The following SPTLC3 variants were observed in gnomAD, a reference collection of about 807,000 sequenced individuals.
SPTLC3 encodes the protein serine palmitoyltransferase 3.
SPTLC3 carries 36 observed loss-of-function variants against 59.3 expected under a neutral mutation model. That is an observed-to-expected ratio of 0.61 (90% CI 0.47 to 0.80). The LOEUF is 0.80. SPTLC3 is among the 30% of genes least tolerant of loss of function. SPTLC3 has a pLI of 0.00. For synonymous variants in SPTLC3, 257 were observed against 240.8 expected, an observed-to-expected ratio of 1.07 and a Z score of -0.62; for missense variants, 625 against 685.1, an observed-to-expected ratio of 0.91 and a Z score of 0.98.
chr20:13,125,593 G>T (rs1437074684), intron 8 of SPTLC3, among the ~76,000 whole-genome samples: 1 of 152,176 alleles, frequency 6.6e-6, no homozygotes, highest in Non-Finnish European at 1.5e-5. Context: ...GGTCTCATCT[G>T]GGCTTGCTTC....
At chr20:13,048,846 G>T in intron 1 of SPTLC3, 99 bp from the exon 2 acceptor site, 1 of 1,040,570 alleles carries the variant, frequency 9.6e-7, no homozygotes, top group Non-Finnish European at 1.3e-6. Context: ...CTTAAATATG[G>T]CCTTTGGAAT....
chr20:13,042,561 C>G (rs562902581), intron 1 of SPTLC3, among the ~76,000 whole-genome samples: 2 of 152,188 alleles, frequency 1.3e-5, no homozygotes, highest in Non-Finnish European at 2.9e-5. Flanking sequence ...AACCCTCAAC[C>G]TCTCAGCCAC....
At chr20:13,037,277 T>C (rs971544008) in intron 1 of SPTLC3, among the ~76,000 whole-genome samples, 5 of 152,208 alleles carry the variant, frequency 3.3e-5, no homozygotes, top group African/African-American at 1.2e-4. Context: ...GCAAGACTAC[T>C]ATGGCTATCT....
At chr20:13,154,621 A>G (rs1600398374) in intron 10 of SPTLC3, among the ~76,000 whole-genome samples, 1 of 152,292 alleles carries the variant, frequency 6.6e-6, no homozygotes, top group Middle Eastern at 3.4e-3. Context: ...ACCTGCCCAA[A>G]GTCACACAAG....
chr20:13,090,762 C>G (rs1989183846), intron 4 of SPTLC3, among the ~76,000 whole-genome samples: 1 of 152,210 alleles, frequency 6.6e-6, no homozygotes, highest in Admixed American at 6.5e-5. Flanking sequence ...CGAAATGATA[C>G]AGCCTGTACT....
chr20:13,021,207 C>T (rs2122388773), intron 1 of SPTLC3, among the ~76,000 whole-genome samples: 1 of 152,212 alleles, frequency 6.6e-6, no homozygotes, highest in South Asian at 2.1e-4. Context: ...CTAGCTTTTC[C>T]TATGCATTTT....
chr20:13,058,075 C>T (rs6041826), intron 2 of SPTLC3, among the ~76,000 whole-genome samples: 53,384 of 152,008 alleles, frequency 0.35, 10,228 homozygotes, highest in African/African-American at 0.52. Context: ...CTAGTACCCA[C>T]ACAAGTAAAT....
chr20:13,059,232 A>C (rs1368386631), intron 2 of SPTLC3, among the ~76,000 whole-genome samples: 1 of 148,264 alleles, frequency 6.7e-6, no homozygotes, highest in African/African-American at 2.6e-5. Context: ...AAATTATCCT[A>C]GCCTGTGTGC....
chr20:13,152,210 A>G (rs573794813), intron 9 of SPTLC3, among the ~76,000 whole-genome samples: 1 of 152,310 alleles, frequency 6.6e-6, no homozygotes, highest in South Asian at 2.1e-4. Context: ...TGCGTATAAC[A>G]TAGGATTACA....
intron 11 of SPTLC3, among the ~76,000 whole-genome samples, chr20:13,164,061 C>A (rs528992169): frequency 2.0e-5 from 3 of 152,112 alleles, no homozygotes; most frequent in African/African-American, 7.2e-5. Context: ...CCACTCCCCC[C>A]ATCCCACAAC....
At chr20:13,103,295 T>A (rs1989686873) in intron 6 of SPTLC3, among the ~76,000 whole-genome samples, 1 of 152,184 alleles carries the variant, frequency 6.6e-6, no homozygotes, top group Admixed American at 6.5e-5. Flanking sequence ...CACCACCATC[T>A]TAAAAGTAAG....
intron 1 of SPTLC3, among the ~76,000 whole-genome samples, chr20:13,032,626 C>T (rs557929947): frequency 6.6e-6 from 1 of 152,160 alleles, no homozygotes. Flanking sequence ...CCTCTCTTAA[C>T]TTTCCCAGTC....
chr20:13,119,964 T>A (rs949395211), intron 8 of SPTLC3, among the ~76,000 whole-genome samples: 59 of 152,352 alleles, frequency 3.9e-4, no homozygotes, highest in African/African-American at 1.4e-3. Context: ...GCCCATGATT[T>A]GATGGAACTT....
At chr20:13,163,367 CAA>C (rs56217510) in intron 11 of SPTLC3, among the ~76,000 whole-genome samples, 1,601 of 90,034 alleles carry the variant, frequency 0.018, 13 homozygotes, top group African/African-American at 0.02. Context: ...GACGCTGTCT[CAA>C]AAAAAAAAAA....
At chr20:13,111,983 C>G (rs765738521) in intron 7 of SPTLC3, among the ~76,000 whole-genome samples, 1 of 152,206 alleles carries the variant, frequency 6.6e-6, no homozygotes, top group Non-Finnish European at 1.5e-5. Flanking sequence ...ACAAGGGACC[C>G]AGGTGTGGAC....
chr20:13,047,423 C>G (rs909116141), intron 1 of SPTLC3, among the ~76,000 whole-genome samples: 1 of 151,884 alleles, frequency 6.6e-6, no homozygotes, highest in African/African-American at 2.4e-5. Context: ...TAAATTAGTA[C>G]CTTAAATATT....
At chr20:13,075,673 G>A (rs6134771) in intron 4 of SPTLC3, among the ~76,000 whole-genome samples, 21 of 152,084 alleles carry the variant, frequency 1.4e-4, no homozygotes, top group Admixed American at 5.2e-4. Flanking sequence ...CTGGGTCACC[G>A]GTGATGCCCC....
chr20:13,066,577 T>C (rs1988220842), intron 2 of SPTLC3, among the ~76,000 whole-genome samples: 1 of 152,208 alleles, frequency 6.6e-6, no homozygotes, highest in African/African-American at 2.4e-5. Context: ...TGTATTTGTT[T>C]TTATTTGGTT....
intron 1 of SPTLC3, among the ~76,000 whole-genome samples, chr20:13,041,965 C>T (rs1987001447): frequency 2.0e-5 from 3 of 152,294 alleles, no homozygotes; most frequent in South Asian, 2.1e-4. Context: ...TGGTATCACT[C>T]CCAACTGTGA....
Sources: allele counts gnomAD v4.1 joint callset (sites outside exome capture counted in the v4.1 genomes callset), GRCh38; gene constraint gnomAD v4.1.1; transcripts MANE v1.5; gene names NCBI Gene and HGNC (gene_info 2026-07-23, HGNC 2026-07-21).